Variants in VWA8 observed in about 807,000 individuals in gnomAD.
VWA8 encodes the protein von Willebrand factor A domain containing 8, also known as von Willebrand factor A domain-containing protein 8.
Under a neutral mutation model 241.5 loss-of-function variants are expected in VWA8, and 221 were observed. The ratio of observed to expected loss-of-function variants is 0.91; its 90% CI spans 0.82 to 1.02. The LOEUF (loss-of-function observed/expected upper bound fraction) is 1.02. Ranked by LOEUF, VWA8 falls within the 50% of genes least tolerant of loss-of-function variation. The probability of loss-of-function intolerance (pLI) is 0.00; values close to 1 mark genes in which losing one functional copy is unlikely to be tolerated. For synonymous variants in VWA8, 852 were observed against 827.1 expected, an observed-to-expected ratio of 1.03 and a Z score of -0.52; for missense variants, 2,322 against 2,328.7, an observed-to-expected ratio of 1.00 and a Z score of 0.06.
chr13:41,793,112 C>T lies in VWA8; in HGVS notation c.2064-5569G>A, dbSNP rs183880572. Reference sequence around the variant, plus strand: ...TTGCTGTAAATTTCTGGTAGATATTCTTTATGAGATTAAAGAATTTCCTTT... The same window carrying T: ...TTGCTGTAAATTTCTGGTAGATATTTTTTATGAGATTAAAGAATTTCCTTT... On this transcript the variant is annotated intron_variant, in intron 17 of 44. Coordinates refer to ENST00000379310, the MANE Select transcript of VWA8 (RefSeq NM_015058.2). Among the ~76,000 whole-genome samples, 62 of 152,158 alleles carry T rather than the reference C, an allele frequency of 4.1e-4. 1 individual carries two copies. The East Asian group carries it at 0.012, about 29-fold the overall frequency.
chr13:41,882,816 G>A (rs943876926), intron 9 of VWA8, among the ~76,000 whole-genome samples: 1 of 151,946 alleles, frequency 6.6e-6, no homozygotes, highest in Non-Finnish European at 1.5e-5. Flanking sequence ...GAGGGAGACC[G>A]TGGGGAGAGG....
intron 26 of VWA8, among the ~76,000 whole-genome samples, chr13:41,708,186 C>T (rs927381429): frequency 6.6e-6 from 1 of 151,952 alleles, no homozygotes; most frequent in Admixed American, 6.6e-5. Flanking sequence ...GGAAAAACCC[C>T]GTCTCTACCA....
intron 26 of VWA8, among the ~76,000 whole-genome samples, chr13:41,711,736 T>C (rs1264019651): frequency 1.3e-5 from 2 of 151,794 alleles, no homozygotes; most frequent in Admixed American, 6.6e-5. Flanking sequence ...TAGCGGGGCG[T>C]GGTGGCGGGT....
Position 41,729,798 on chromosome 13 carries a change from GACACACAC to G in VWA8, c.2503-129_2503-122del, listed in dbSNP as rs59345894. 2,871 of 444,870 alleles carry G rather than the reference GACACACAC, an allele frequency of 6.5e-3. 42 individuals carry two copies. The highest frequency in any genetic ancestry group is 0.042 in the African/African-American group (1,865 of 43,970). 27.6% of individuals were successfully genotyped at this position (444,870 alleles called of 1,614,324 possible). ...TATTTAAGTTACAAGTATACACGTA[GACACACAC>G]ACACACACACACACACACACACACA... is the stretch of plus-strand genomic sequence containing the variant. On this transcript the variant is annotated intron_variant, in intron 22 of 44. Transcript: ENST00000379310.
intron 37 of VWA8, among the ~76,000 whole-genome samples, chr13:41,621,051 A>C (rs2044653926): frequency 6.6e-6 from 1 of 152,210 alleles, no homozygotes; most frequent in South Asian, 2.1e-4. Context: ...GACAACTGAC[A>C]GCTTCTCATT....
chr13:41,828,893 T>C lies in VWA8; in HGVS notation c.1700+1636A>G, dbSNP rs145352898. 2.8e-4 allele frequency among the ~76,000 whole-genome samples: 43 copies of C among 152,278 alleles called. No homozygotes were observed. The East Asian group carries it at 8.1e-3, about 29-fold the overall frequency. ...TTTTATTTTGTTTCCTCCTCCAGGA[T>C]TCAGTCAAGTCTCACCATTGCATTT... is the stretch of plus-strand genomic sequence containing the variant. On this transcript the variant is annotated intron_variant, in intron 14 of 44. Transcript: ENST00000379310.
chr13:41,755,255 A>C (rs764534545), intron 21 of VWA8, among the ~76,000 whole-genome samples: 41 of 151,954 alleles, frequency 2.7e-4, no homozygotes, highest in Non-Finnish European at 5.9e-5. Context: ...CCTTTTCTCC[A>C]CATCTTCATC....
intron 17 of VWA8, among the ~76,000 whole-genome samples, chr13:41,808,947 C>T (rs753526214): frequency 2.0e-5 from 3 of 151,452 alleles, no homozygotes; most frequent in East Asian, 1.9e-4. Flanking sequence ...AAATCAGTAG[C>T]GCTTCTGTAT....
chr13:41,808,273 G>A (rs1045897323), intron 17 of VWA8, among the ~76,000 whole-genome samples: 5 of 152,110 alleles, frequency 3.3e-5, no homozygotes, highest in Admixed American at 1.3e-4. Context: ...GTTTTTGTAC[G>A]ACTATAAAGA....
chr13:41,830,619 C>A lies in VWA8; in HGVS notation c.1610G>T (p.Ser537Ile). ...LQRLIHDRELSLYDGSRLLRE... is the reference protein window; with the variant it reads ...LQRLIHDRELILYDGSRLLRE... ...CAGCAGCCTAGAACCATCATAGAGG[C>A]TTAGCTCTCGATCATGGATTAACCT... is the stretch of plus-strand genomic sequence containing the variant. The change falls in exon 14 of 45, where the codon AGC becomes ATC. Residue 537 changes from serine to isoleucine, a missense_variant. Transcript: ENST00000379310. The A allele has an allele frequency of 1.2e-6, 2 of 1,613,572 alleles. 1 individual carries two copies.
intron 20 of VWA8, among the ~76,000 whole-genome samples, chr13:41,767,523 A>G (rs1479288912): frequency 2.0e-5 from 3 of 152,226 alleles, no homozygotes; most frequent in African/African-American, 7.2e-5. Flanking sequence ...TTATTTTCCA[A>G]ATTCTCTCAA....
At chr13:41,731,767 A>G (rs1434409984) in intron 22 of VWA8, among the ~76,000 whole-genome samples, 1 of 152,098 alleles carries the variant, frequency 6.6e-6, no homozygotes, top group Non-Finnish European at 1.5e-5. Context: ...TCTTGTGGTA[A>G]TGAATAAGTC....
At chr13:41,571,162 T>A (rs2044298742) in intron 43 of VWA8, among the ~76,000 whole-genome samples, 1 of 152,166 alleles carries the variant, frequency 6.6e-6, no homozygotes, top group South Asian at 2.1e-4. Flanking sequence ...CATTTTTCTG[T>A]TGCAGGCTTA....
intron 26 of VWA8, among the ~76,000 whole-genome samples, chr13:41,718,686 C>T (rs2137845250): frequency 6.6e-6 from 1 of 151,036 alleles, no homozygotes; most frequent in East Asian, 2.0e-4. Context: ...GATGAGTATA[C>T]ACTTTGGAGA....
intron 39 of VWA8, among the ~76,000 whole-genome samples, chr13:41,608,279 C>A (rs1422305207): frequency 6.6e-6 from 1 of 152,046 alleles, no homozygotes; most frequent in Non-Finnish European, 1.5e-5. Flanking sequence ...ACCTACAAGG[C>A]AATCAAAGCT....
At chr13:41,821,402 T>C (rs74052956) in intron 14 of VWA8, among the ~76,000 whole-genome samples, 11,495 of 152,152 alleles carry the variant, frequency 0.076, 595 homozygotes, top group African/African-American at 0.15. Flanking sequence ...CCCTAAAGGC[T>C]TCCTTACATA....
chr13:41,873,704 C>T (rs1226498502), intron 9 of VWA8, among the ~76,000 whole-genome samples: 1 of 152,176 alleles, frequency 6.6e-6, no homozygotes, highest in African/African-American at 2.4e-5. Flanking sequence ...AGCTCACCAA[C>T]CAAAAAGAGT....
At chr13:41,585,370 G>C (rs1293522987) in intron 42 of VWA8, among the ~76,000 whole-genome samples, 1 of 152,156 alleles carries the variant, frequency 6.6e-6, no homozygotes, top group East Asian at 1.9e-4. Flanking sequence ...CCCAGTCCTG[G>C]GGAGGGAGCT....
At chr13:41,706,096 C>A (rs1419986262) in intron 26 of VWA8, among the ~76,000 whole-genome samples, 1 of 152,132 alleles carries the variant, frequency 6.6e-6, no homozygotes, top group Non-Finnish European at 1.5e-5. Context: ...CCGTACCAAA[C>A]AATCATATAA....
Sources: gnomAD v4.1 joint callset for allele counts (sites outside exome capture counted in the v4.1 genomes callset) on GRCh38, gnomAD v4.1.1 for gene constraint, MANE v1.5 for transcripts, NCBI Gene and HGNC (gene_info 2026-07-23, HGNC 2026-07-21) for gene names.